The following SLC8A1 variants were observed in gnomAD, a reference collection of about 807,000 sequenced individuals.
SLC8A1 encodes the protein sodium/calcium exchanger 1.
In SLC8A1, 18 loss-of-function variants were observed where a neutral mutation model predicts 68.3. The ratio of observed to expected loss-of-function variants is 0.26; its 90% CI spans 0.18 to 0.39. The LOEUF (loss-of-function observed/expected upper bound fraction) is 0.39. SLC8A1 is among the 10% of genes least tolerant of loss of function. The pLI is 1.00. For synonymous variants in SLC8A1, 475 were observed against 415.5 expected (o/e 1.14, Z -1.74); for missense variants, 985 against 1,156.7 (o/e 0.85, Z 2.15).
At chr2:40,205,837 A>G (rs1470606576) in intron 2 of SLC8A1, among the ~76,000 whole-genome samples, 1 of 151,790 alleles carries the variant, frequency 6.6e-6, no homozygotes. Context: ...AAAAAAGAAA[A>G]AGTCTTCTCC....
At chr2:40,476,264 G>C (rs181968208) in intron 1 of SLC8A1, among the ~76,000 whole-genome samples, 46 of 152,274 alleles carry the variant, frequency 3.0e-4, no homozygotes, top group African/African-American at 8.4e-4. Flanking sequence ...AAGGACTAAA[G>C]CAATGCTGTT....
intron 1 of SLC8A1, among the ~76,000 whole-genome samples, chr2:40,483,671 G>C (rs1704782996): frequency 6.6e-6 from 1 of 152,174 alleles, no homozygotes; most frequent in Non-Finnish European, 1.5e-5. Flanking sequence ...TAAATAAACA[G>C]AAGTCTCATG....
intron 2 of SLC8A1, among the ~76,000 whole-genome samples, chr2:40,353,182 A>C (rs1671652938): frequency 6.6e-6 from 1 of 152,124 alleles, no homozygotes; most frequent in Non-Finnish European, 1.5e-5. Flanking sequence ...TGAGAATGAG[A>C]ACTTTTTCTG....
chr2:40,380,887 C>T (rs571293971), intron 2 of SLC8A1, among the ~76,000 whole-genome samples: 14 of 152,156 alleles, frequency 9.2e-5, no homozygotes, highest in Admixed American at 3.9e-4. Context: ...AATCACCCTG[C>T]GTATGGGATC....
intron 1 of SLC8A1, among the ~76,000 whole-genome samples, chr2:40,449,542 C>A (rs548003451): frequency 6.6e-6 from 1 of 152,084 alleles, no homozygotes; most frequent in African/African-American, 2.4e-5. Context: ...ACTGACTATA[C>A]CTCACTTTCC....
At chr2:40,481,002 G>C (rs1208152426) in intron 1 of SLC8A1, among the ~76,000 whole-genome samples, 2 of 152,198 alleles carry the variant, frequency 1.3e-5, no homozygotes, top group Non-Finnish European at 2.9e-5. Flanking sequence ...ATCCTTTAAT[G>C]TGGGAGAAGA....
intron 1 of SLC8A1, among the ~76,000 whole-genome samples, chr2:40,476,247 T>C (rs1665904635): frequency 6.6e-6 from 1 of 152,190 alleles, no homozygotes; most frequent in African/African-American, 2.4e-5. Flanking sequence ...ATAGAAACTC[T>C]GGACCCAAGG....
At chr2:40,273,863 C>G (rs1360144178) in intron 2 of SLC8A1, among the ~76,000 whole-genome samples, 1 of 142,038 alleles carries the variant, frequency 7.0e-6, no homozygotes, top group African/African-American at 2.5e-5. Context: ...TATGCCAAGT[C>G]CTTTTTTTTT....
At chr2:40,129,518 G>A (rs1405928539) in intron 7 of SLC8A1, among the ~76,000 whole-genome samples, 1 of 152,136 alleles carries the variant, frequency 6.6e-6, no homozygotes. Flanking sequence ...TTACAGACGT[G>A]AGCCAGCACA....
chr2:40,260,107 T>C (rs1443054228), intron 2 of SLC8A1, among the ~76,000 whole-genome samples: 1 of 152,226 alleles, frequency 6.6e-6, no homozygotes, highest in African/African-American at 2.4e-5. Context: ...CAACAATGAC[T>C]CATTTCCTTA....
intron 2 of SLC8A1, among the ~76,000 whole-genome samples, chr2:40,179,977 T>G (rs554625291): frequency 6.6e-6 from 1 of 152,304 alleles, no homozygotes; most frequent in African/African-American, 2.4e-5. Context: ...AGAACATTCT[T>G]GAATGATACT....
intron 2 of SLC8A1, among the ~76,000 whole-genome samples, chr2:40,271,448 T>G (rs1443256798): frequency 6.6e-6 from 1 of 152,196 alleles, no homozygotes; most frequent in Non-Finnish European, 1.5e-5. Flanking sequence ...CTCAGAGAAT[T>G]TCTCTGACCA....
intron 2 of SLC8A1, among the ~76,000 whole-genome samples, chr2:40,224,739 A>C (rs1241439544): frequency 6.6e-6 from 1 of 152,156 alleles, no homozygotes; most frequent in Non-Finnish European, 1.5e-5. Flanking sequence ...ACAACTCCTC[A>C]AACAGGAATA....
At chr2:40,480,339 T>C (rs1559759626) in intron 1 of SLC8A1, among the ~76,000 whole-genome samples, 1 of 152,078 alleles carries the variant, frequency 6.6e-6, no homozygotes, top group Non-Finnish European at 1.5e-5. Context: ...CTTTGGGAGA[T>C]CATGAGGGCT....
At chr2:40,264,556 C>T (rs934359921) in intron 2 of SLC8A1, among the ~76,000 whole-genome samples, 20 of 152,020 alleles carry the variant, frequency 1.3e-4, no homozygotes, top group East Asian at 3.9e-4. Context: ...TGTAGGGACA[C>T]GGATGAAGCT....
chr2:40,500,002 C>G (rs1234437195), intron 1 of SLC8A1, among the ~76,000 whole-genome samples: 1 of 152,002 alleles, frequency 6.6e-6, no homozygotes, highest in South Asian at 2.1e-4. Context: ...ATCAGAACAA[C>G]CTTGAGATTT....
At chr2:40,170,689 G>T (rs2047317767) in intron 4 of SLC8A1, among the ~76,000 whole-genome samples, 1 of 152,198 alleles carries the variant, frequency 6.6e-6, no homozygotes, top group African/African-American at 2.4e-5. Flanking sequence ...GCTTGCAGAA[G>T]CATCATGGAA....
intron 2 of SLC8A1, among the ~76,000 whole-genome samples, chr2:40,272,089 G>A (rs1437582338): frequency 2.0e-5 from 3 of 152,008 alleles, no homozygotes; most frequent in African/African-American, 7.3e-5. Context: ...GGCTGGCCCG[G>A]AACGCCTGGT....
chr2:40,228,072 T>C (rs2059206441), intron 2 of SLC8A1, among the ~76,000 whole-genome samples: 1 of 152,224 alleles, frequency 6.6e-6, no homozygotes, highest in South Asian at 2.1e-4. Flanking sequence ...CAATTATTTA[T>C]TTAATTAAAA....
Sources: allele counts gnomAD v4.1 joint callset (sites outside exome capture counted in the v4.1 genomes callset), GRCh38; gene constraint gnomAD v4.1.1; transcripts MANE v1.5; gene names NCBI Gene and HGNC (gene_info 2026-07-23, HGNC 2026-07-21).